Variants in CELF2 observed in about 807,000 individuals in gnomAD.
The protein encoded by CELF2 is CUG triplet repeat RNA-binding protein 2.
A neutral mutation model predicts 62.6 loss-of-function variants in CELF2; 8 were observed. That is an observed-to-expected ratio of 0.13 (90% CI 0.07 to 0.23). The LOEUF is 0.23. CELF2 is among the 10% of genes least tolerant of loss of function. The pLI is 1.00. For synonymous variants in CELF2, 258 were observed against 250.0 expected, an observed-to-expected ratio of 1.03 and a Z score of -0.30; for missense variants, 333 against 671.0, an observed-to-expected ratio of 0.50 and a Z score of 5.56.
the CELF2 span, among the ~76,000 whole-genome samples, chr10:10,506,820 A>G: frequency 2.0e-5 from 3 of 151,274 alleles, no homozygotes; most frequent in Admixed American, 6.6e-5. Flanking sequence ...ACGTACCACC[A>G]CGCCTGGCTA....
rs2065583837 is a variant in CELF2 at position 11,223,673 on chromosome 10, C to G, written c.354+6166C>G. On this transcript the variant is annotated intron_variant, in intron 3 of 12. Coordinates refer to ENST00000633077, the MANE Select transcript of CELF2 (RefSeq NM_001326342.2). The surrounding 1 kb of genome is among the most constrained non-coding windows in gnomAD (Gnocchi z 5.1). ...TTGAGGGTGCAGAAGCTCCCTTCCC[C>G]CTGCAGGAGTCACAGCAGTATGAAA... 6.6e-6 allele frequency among the ~76,000 whole-genome samples: 1 copy of G among 152,154 alleles called. No individual in the cohort carries two copies. The highest frequency in any genetic ancestry group is 1.5e-5 in the Non-Finnish European group (1 of 68,024).
intron 1 of CELF2, among the ~76,000 whole-genome samples, chr10:10,799,031 G>A (rs1463350868): frequency 6.6e-6 from 1 of 152,184 alleles, no homozygotes; most frequent in African/African-American, 2.4e-5. Flanking sequence ...CCCCAGGGGG[G>A]AGGTCGGGAA....
chr10:11,112,789 A>G (rs1405873139), intron 1 of CELF2, among the ~76,000 whole-genome samples: 1 of 152,280 alleles, frequency 6.6e-6, no homozygotes, highest in African/African-American at 2.4e-5. Flanking sequence ...GAAGGGAGCT[A>G]TCTTTGAAAC....
At chr10:10,569,408 A>G in the CELF2 span, among the ~76,000 whole-genome samples, 3 of 152,184 alleles carry the variant, frequency 2.0e-5, no homozygotes, top group African/African-American at 7.2e-5. Flanking sequence ...CGAGAAAAGT[A>G]TGGAGGAAAT....
chr10:11,030,678 G>C (rs894209708), intron 1 of CELF2: 1 of 152,286 alleles, frequency 6.6e-6, no homozygotes, highest in Non-Finnish European at 1.5e-5. Flanking sequence ...GGTGTAAACA[G>C]GTTGAGTTTC....
the CELF2 span, among the ~76,000 whole-genome samples, chr10:10,587,472 A>T: frequency 1.3e-5 from 2 of 152,214 alleles, no homozygotes; most frequent in Non-Finnish European, 2.9e-5. Flanking sequence ...ACACAATTAA[A>T]GTGTTCAGAA....
At chr10:10,471,121 G>A in the CELF2 span, among the ~76,000 whole-genome samples, 1 of 151,258 alleles carries the variant, frequency 6.6e-6, no homozygotes, top group Admixed American at 6.6e-5. Context: ...CAGAGAATAT[G>A]CCCAATAATC....
At chr10:10,469,106 G>T in the CELF2 span, among the ~76,000 whole-genome samples, 1 of 151,916 alleles carries the variant, frequency 6.6e-6, no homozygotes, top group African/African-American at 2.4e-5. Context: ...CTTAATAAGT[G>T]AAATTTTTTT....
chr10:11,270,881 T>C lies in CELF2; in HGVS notation c.777+57T>C. ...ACCCGCTGAAACTCTGCAAACTGAC[T>C]TTTCCCCTCCCTACGCTGAGGCATT... On this transcript the variant is annotated intron_variant, in intron 7 of 12. Coordinates refer to ENST00000633077, the MANE Select transcript of CELF2 (RefSeq NM_001326342.2). The surrounding 1 kb of genome is among the most constrained non-coding windows in gnomAD (Gnocchi z 5.8). 4 of 1,321,864 alleles carry C rather than the reference T, an allele frequency of 3.0e-6. No individual in the cohort carries two copies. Among genetic ancestry groups the C allele is most frequent in the Non-Finnish European group, 2.9e-6 (3 of 1,020,176 alleles). The allele number at this position is 1,321,864 out of a possible 1,614,324, so 81.9% of individuals were successfully genotyped here. A position where few individuals can be genotyped will look rare whatever the true frequency, so the allele number is the denominator to read the frequency against.
chr10:11,123,374 C>T (rs34260908), intron 1 of CELF2, among the ~76,000 whole-genome samples: 4 of 152,118 alleles, frequency 2.6e-5, no homozygotes, highest in South Asian at 4.1e-4. Flanking sequence ...CCTCAGCCCC[C>T]TGAGTTGCTG....
At chr10:11,103,693 G>A (rs1215850212) in intron 1 of CELF2, among the ~76,000 whole-genome samples, 1 of 151,898 alleles carries the variant, frequency 6.6e-6, no homozygotes, top group Non-Finnish European at 1.5e-5. Flanking sequence ...TTGTTGCAGG[G>A]GTGGTATTGG....
At chr10:10,926,889 ATTAGTCCC>A (rs1219246039) in intron 2 of CELF2, among the ~76,000 whole-genome samples, 1 of 152,208 alleles carries the variant, frequency 6.6e-6, no homozygotes, top group African/African-American at 2.4e-5. Context: ...TGTGATCTTA[ATTAGTCCC>A]TCAGCTGCAT....
Position 10,992,333 on chromosome 10 carries a change from C to T in CELF2, c.89+72334C>T, listed in dbSNP as rs181283712. Among the ~76,000 whole-genome samples the T allele has an allele frequency of 4.1e-4, 62 of 152,226 alleles. 1 individual carries two copies. Among genetic ancestry groups the T allele is most frequent in the Admixed American group, 4.0e-3 (61 of 15,274 alleles). On this transcript the variant is annotated intron_variant, in intron 2 of 13. Transcript: ENST00000636488. ...TCTGGGACCCAGGTGGAAGGAACAG[C>T]GGATTCCCCAGGCATGCTTTTCTCA... is the stretch of plus-strand genomic sequence containing the variant.
chr10:10,666,293 T>G, the CELF2 span, among the ~76,000 whole-genome samples: 1 of 152,162 alleles, frequency 6.6e-6, no homozygotes, highest in African/African-American at 2.4e-5. Context: ...CGGGGTGCTG[T>G]GTTGGCTCCG....
the CELF2 span, among the ~76,000 whole-genome samples, chr10:10,755,010 C>T: frequency 6.6e-6 from 1 of 152,204 alleles, no homozygotes; most frequent in Non-Finnish European, 1.5e-5. Flanking sequence ...AAACAATCTT[C>T]ACTGGCTTCC....
the CELF2 span, among the ~76,000 whole-genome samples, chr10:10,758,310 T>C: frequency 2.6e-5 from 4 of 152,312 alleles, no homozygotes; most frequent in Non-Finnish European, 4.4e-5. Flanking sequence ...TAAACTTCAA[T>C]GCACCTTGGG....
the CELF2 span, among the ~76,000 whole-genome samples, chr10:10,697,058 T>C: frequency 6.6e-6 from 1 of 152,048 alleles, no homozygotes; most frequent in Admixed American, 6.6e-5. Context: ...ATCTTCAAGA[T>C]GTTTGGTAAT....
rs575366592 is a variant in CELF2, at chr10:11,156,772, G to A, written c.75-8714G>A. Among the ~76,000 whole-genome samples the A allele has an allele frequency of 6.6e-6, 1 of 152,322 alleles. No homozygotes were observed. The highest frequency in any genetic ancestry group is 2.1e-4 in the South Asian group (1 of 4,824). On this transcript the variant is annotated intron_variant, in intron 1 of 12. Coordinates refer to ENST00000633077, the MANE Select transcript of CELF2 (RefSeq NM_001326342.2). The surrounding 1 kb of genome is among the most constrained non-coding windows in gnomAD (Gnocchi z 4.3). Reference sequence around the variant, plus strand: ...GCGGTCAGAGAAGGGAAAGGCCAGAGCAAGCAGCCAGTCCGCATTACACGC... The same window carrying A: ...GCGGTCAGAGAAGGGAAAGGCCAGAACAAGCAGCCAGTCCGCATTACACGC...
the CELF2 span, among the ~76,000 whole-genome samples, chr10:10,787,985 T>G: frequency 6.6e-6 from 1 of 152,192 alleles, no homozygotes; most frequent in African/African-American, 2.4e-5. Context: ...GTCAAAATCA[T>G]ATCACCAATA....
Sources: allele counts gnomAD v4.1 joint callset (sites outside exome capture counted in the v4.1 genomes callset), GRCh38; gene constraint gnomAD v4.1.1; non-coding constraint Gnocchi (gnomAD v3.1); transcripts MANE v1.5; gene names NCBI Gene and HGNC (gene_info 2026-07-23, HGNC 2026-07-21).